Variants in RASEF observed in about 807,000 individuals in gnomAD.
RASEF encodes RAS and EF-hand domain containing, also known as ras and EF-hand domain-containing protein.
In RASEF, 68 loss-of-function variants were observed where a neutral mutation model predicts 90.1. The observed-to-expected ratio is 0.75, with a 90% CI of 0.62 to 0.92. RASEF has a LOEUF of 0.92. RASEF is among the 40% of genes least tolerant of loss of function. The pLI is 0.00. For missense variants in RASEF, 949 were observed against 937.2 expected (o/e 1.01, Z -0.16); for synonymous variants, 331 against 345.2 (o/e 0.96, Z 0.46).
At chr9:83,048,126 C>G in intron 1 of RASEF, 1 of 985,420 alleles carries the variant, frequency 1.0e-6, no homozygotes, top group Non-Finnish European at 1.2e-6. Flanking sequence ...CTGCCTGGCT[C>G]TGGAGGCCTC....
intron 1 of RASEF, chr9:83,048,287 T>C (rs1260039151): frequency 2.0e-6 from 2 of 985,258 alleles, no homozygotes; most frequent in Non-Finnish European, 2.4e-6. Flanking sequence ...AAAGAAGGCA[T>C]GAAGGCGTCA....
chr9:83,159,982 T>C, the RASEF span, among the ~76,000 whole-genome samples: 1 of 152,248 alleles, frequency 6.6e-6, no homozygotes, highest in Admixed American at 6.5e-5. Context: ...CCAAGTGAGA[T>C]GTGCCTTTCA....
At chr9:83,144,446 A>AG in the RASEF span, among the ~76,000 whole-genome samples, 1 of 147,466 alleles carries the variant, frequency 6.8e-6, no homozygotes, top group African/African-American at 2.5e-5. Flanking sequence ...AAAAGAAAAA[A>AG]GAAAAGAAAA....
chr9:83,043,400 G>A lies in RASEF; in HGVS notation c.432-17479C>T, dbSNP rs79224702. ...GGAAAGAGGGGTCTGCAGTGATTGG[G>A]GGGGGGGACCCTGGGCTTCTGCAAT... On this transcript the variant is annotated intron_variant, in intron 1 of 16. Coordinates refer to ENST00000376447, the MANE Select transcript of RASEF (RefSeq NM_152573.4). Among the ~76,000 whole-genome samples, 10 of 59,826 alleles carry A rather than the reference G, an allele frequency of 1.7e-4. No homozygotes were observed. The South Asian group carries it at 6.0e-3, about 36-fold the overall frequency. The allele number at this position is 59,826 out of a possible 152,430, so 39.2% of individuals were successfully genotyped here. A position where few individuals can be genotyped will look rare whatever the true frequency, so the allele number is the denominator to read the frequency against.
At chr9:83,015,554 C>A (rs886908650) in intron 4 of RASEF, among the ~76,000 whole-genome samples, 1 of 152,084 alleles carries the variant, frequency 6.6e-6, no homozygotes, top group Non-Finnish European at 1.5e-5. Flanking sequence ...GTGGTGCATG[C>A]CTATAATCCC....
chr9:83,177,838 T>C, the RASEF span, among the ~76,000 whole-genome samples: 1 of 152,072 alleles, frequency 6.6e-6, no homozygotes, highest in Admixed American at 6.6e-5. Flanking sequence ...TTTCTTCTAA[T>C]ATTTTTTCTA....
rs200343613 is a variant in RASEF at position 83,000,206 on chromosome 9, G to T, written c.1686C>A (p.Cys562Ter). 6.2e-7 allele frequency: 1 copy of T among 1,613,854 alleles called. No homozygotes were observed. The highest frequency in any genetic ancestry group is 8.5e-7 in the Non-Finnish European group (1 of 1,179,948). The change falls in exon 12 of 17, where the codon TGC becomes TGA. Residue 562 changes from cysteine to a stop codon, truncating the protein, a stop_gained. Coordinates refer to ENST00000376447, the MANE Select transcript of RASEF (RefSeq NM_152573.4). LOFTEE classifies it high-confidence loss of function. ...VGKSSFLMRL[C>*]KNEFRENISA... Reference sequence around the variant, plus strand: ...TTATATTTTCTCGAAATTCATTCTTGCAAAGTCTCATGAGGAAACTAGACT... The same window carrying T: ...TTATATTTTCTCGAAATTCATTCTTTCAAAGTCTCATGAGGAAACTAGACT...
At chr9:83,040,836 C>T (rs2118638973) in intron 1 of RASEF, among the ~76,000 whole-genome samples, 1 of 152,198 alleles carries the variant, frequency 6.6e-6, no homozygotes, top group Admixed American at 6.5e-5. Flanking sequence ...TTCTACACAA[C>T]CTGCTTTGGC....
chr9:83,122,662 A>G, the RASEF span, among the ~76,000 whole-genome samples: 254 of 152,332 alleles, frequency 1.7e-3, 2 homozygotes, highest in Middle Eastern at 6.8e-3. Context: ...AAGAGCTTTT[A>G]ATTAATTGAG....
the RASEF span, among the ~76,000 whole-genome samples, chr9:83,104,530 A>C: frequency 9.9e-5 from 15 of 152,266 alleles, no homozygotes; most frequent in Non-Finnish European, 1.9e-4. Context: ...TCAATAACCA[A>C]TGTGTCTGCC....
the RASEF span, among the ~76,000 whole-genome samples, chr9:83,075,026 T>C: frequency 6.6e-6 from 1 of 152,256 alleles, no homozygotes; most frequent in African/African-American, 2.4e-5. Flanking sequence ...GACCATCATC[T>C]GCATAACCTT....
Position 83,062,349 on chromosome 9 carries a change from G to C in RASEF, c.431+88C>G, listed in dbSNP as rs1195036820. 5.3e-6 allele frequency: 6 copies of C among 1,135,960 alleles called. No individual in the cohort carries two copies. In the Admixed American group the frequency reaches 8.6e-5, roughly 16 times the overall value. The allele number at this position is 1,135,960 out of a possible 1,614,324, so 70.4% of individuals were successfully genotyped here. A position where few individuals can be genotyped will look rare whatever the true frequency, so the allele number is the denominator to read the frequency against. ...CTCACAGAGAAGACTAGGGGGGGGG[G>C]CCATTGGGTCTGCACACCTGCAAGT... is the stretch of plus-strand genomic sequence containing the variant. On this transcript the variant is annotated intron_variant, in intron 1 of 16. Coordinates refer to ENST00000376447, the MANE Select transcript of RASEF (RefSeq NM_152573.4).
the RASEF span, among the ~76,000 whole-genome samples, chr9:83,216,528 T>C: frequency 2.6e-5 from 4 of 151,922 alleles, no homozygotes; most frequent in African/African-American, 9.7e-5. Flanking sequence ...AGAACCGAGG[T>C]TTGGAAACCA....
the RASEF span, among the ~76,000 whole-genome samples, chr9:83,166,629 A>G: frequency 1.3e-5 from 2 of 152,280 alleles, no homozygotes; most frequent in Non-Finnish European, 2.9e-5. Context: ...CTGAGTATAT[A>G]GCAACTGTGC....
chr9:83,189,573 G>T, the RASEF span, among the ~76,000 whole-genome samples: 1 of 152,194 alleles, frequency 6.6e-6, no homozygotes, highest in Admixed American at 6.5e-5. Flanking sequence ...TTGAAAAGCT[G>T]TAATCCCAAT....
chr9:83,173,354 T>TA, the RASEF span, among the ~76,000 whole-genome samples: 1 of 152,052 alleles, frequency 6.6e-6, no homozygotes, highest in East Asian at 1.9e-4. Flanking sequence ...CTACATCCTC[T>TA]TTATGGCCAC....
chr9:83,040,865 A>G (rs1464386545), intron 1 of RASEF, among the ~76,000 whole-genome samples: 2 of 152,028 alleles, frequency 1.3e-5, no homozygotes, highest in African/African-American at 2.4e-5. Flanking sequence ...TTTATTTTAT[A>G]TATATATTTT....
At chr9:83,187,629 T>C in the RASEF span, among the ~76,000 whole-genome samples, 12 of 152,294 alleles carry the variant, frequency 7.9e-5, no homozygotes, top group African/African-American at 2.9e-4. Flanking sequence ...CCTTCCTAGT[T>C]TAATTCACTG....
At chr9:83,033,999 G>GT in intron 1 of RASEF, among the ~76,000 whole-genome samples, 1 of 152,052 alleles carries the variant, frequency 6.6e-6, no homozygotes, top group Admixed American at 6.6e-5. Context: ...TTCTAAAAAC[G>GT]TATTTTTATT....
Sources: gnomAD v4.1 joint callset for allele counts (sites outside exome capture counted in the v4.1 genomes callset) on GRCh38, gnomAD v4.1.1 for gene constraint, MANE v1.5 for transcripts, NCBI Gene and HGNC (gene_info 2026-07-23, HGNC 2026-07-21) for gene names.